The following DHRSX variants were observed in gnomAD, a reference collection of about 807,000 sequenced individuals.
DHRSX encodes the protein dehydrogenase/reductase X-linked.
In DHRSX, 31 loss-of-function variants were observed where a neutral mutation model predicts 34.0. That is an observed-to-expected ratio of 0.91 (90% CI 0.69 to 1.23). The LOEUF is 1.23. DHRSX is among the 50% of genes most tolerant of loss of function. The pLI is 0.00. For missense variants in DHRSX, 414 were observed against 428.1 expected, an observed-to-expected ratio of 0.97 and a Z score of 0.29; for synonymous variants, 201 against 183.8, an observed-to-expected ratio of 1.09 and a Z score of -0.76.
intron 5 of DHRSX, among the ~76,000 whole-genome samples, chrX:2,265,557 TGCTC>T (rs2041443881): frequency 7.5e-6 from 1 of 133,710 alleles, no homozygotes; most frequent in Non-Finnish European, 1.6e-5. Context: ...AGAGCACCAG[TGCTC>T]AGCAGATGCA....
chrX:2,303,464 C>T (rs2042038159), intron 3 of DHRSX, among the ~76,000 whole-genome samples: 1 of 152,102 alleles, frequency 6.6e-6, no homozygotes, highest in South Asian at 2.1e-4. Flanking sequence ...CACTCTTGCT[C>T]CTGCTCTAGC....
intron 6 of DHRSX, among the ~76,000 whole-genome samples, chrX:2,229,542 T>C (rs1209873035): frequency 6.6e-6 from 1 of 152,060 alleles, no homozygotes; most frequent in Non-Finnish European, 1.5e-5. Flanking sequence ...ACGCAAATCA[T>C]AGGGTGACAT....
chrX:2,360,666 T>A (rs1282776765), intron 3 of DHRSX, among the ~76,000 whole-genome samples: 1 of 151,930 alleles, frequency 6.6e-6, no homozygotes, highest in Non-Finnish European at 1.5e-5. Flanking sequence ...GGGTTATTAA[T>A]CTAGGATGGT....
At chrX:2,325,481 C>T (rs2042373887) in intron 3 of DHRSX, among the ~76,000 whole-genome samples, 2 of 152,218 alleles carry the variant, frequency 1.3e-5, no homozygotes, top group African/African-American at 4.8e-5. Flanking sequence ...CATCTTCCCT[C>T]CTCTTTGTCA....
At chrX:2,470,691 A>T (rs988943650) in intron 1 of DHRSX, among the ~76,000 whole-genome samples, 2 of 152,220 alleles carry the variant, frequency 1.3e-5, no homozygotes, top group Non-Finnish European at 2.9e-5. Context: ...TGGCTATAGG[A>T]TGAGACTGTC....
At chrX:2,224,891 TCA>T (rs1478474678) in intron 6 of DHRSX, among the ~76,000 whole-genome samples, 3 of 126,216 alleles carry the variant, frequency 2.4e-5, no homozygotes, top group East Asian at 8.9e-4. Flanking sequence ...GCACACATGC[TCA>T]CACTCGCACA....
chrX:2,499,182 AGCGCTTC>A (rs1220773869), intron 1 of DHRSX, among the ~76,000 whole-genome samples: 1 of 152,112 alleles, frequency 6.6e-6, no homozygotes, highest in Non-Finnish European at 1.5e-5. Flanking sequence ...AAGGCACCCA[AGCGCTTC>A]GCCTGGCTGA....
chrX:2,370,700 A>T (rs1345978008), intron 3 of DHRSX, among the ~76,000 whole-genome samples: 1 of 151,798 alleles, frequency 6.6e-6, no homozygotes, highest in East Asian at 1.9e-4. Context: ...TTGCCCCTTC[A>T]GGGATGGACT....
intron 5 of DHRSX, among the ~76,000 whole-genome samples, chrX:2,266,448 C>T (rs746140543): frequency 1.8e-4 from 25 of 140,948 alleles, no homozygotes; most frequent in Admixed American, 1.4e-3. Context: ...GCTCGGCAGA[C>T]GCAGGAAGCA....
At chrX:2,467,134 T>G (rs989444471) in intron 1 of DHRSX, among the ~76,000 whole-genome samples, 1 of 151,970 alleles carries the variant, frequency 6.6e-6, no homozygotes, top group Admixed American at 6.6e-5. Flanking sequence ...TGAAATTTTT[T>G]AAGCCCTTTA....
At chrX:2,437,246 A>G (rs1026346382) in intron 1 of DHRSX, among the ~76,000 whole-genome samples, 5 of 151,818 alleles carry the variant, frequency 3.3e-5, no homozygotes, top group East Asian at 2.0e-4. Flanking sequence ...TGATCCGCCC[A>G]CCTCAGCCTC....
intron 3 of DHRSX, among the ~76,000 whole-genome samples, chrX:2,296,207 C>CT (rs1424501185): frequency 6.6e-6 from 1 of 152,164 alleles, no homozygotes; most frequent in African/African-American, 2.4e-5. Flanking sequence ...AATGATGCAT[C>CT]TTTGAGTGTC....
intron 1 of DHRSX, among the ~76,000 whole-genome samples, chrX:2,437,122 C>T (rs1458284533): frequency 1.3e-5 from 2 of 151,986 alleles, no homozygotes; most frequent in Non-Finnish European, 2.9e-5. Context: ...CTCAGCCTCC[C>T]GAGTAGCTGG....
Position 2,255,191 on chromosome X carries a change from A to C in DHRSX, c.596+11549T>G, listed in dbSNP as rs1261730818. Among the ~76,000 whole-genome samples, 4 of 151,808 alleles carry C rather than the reference A, an allele frequency of 2.6e-5. No homozygotes were observed. The East Asian group carries it at 7.8e-4, about 30-fold the overall frequency. On this transcript the variant is annotated intron_variant, in intron 5 of 6. Coordinates refer to ENST00000334651, the MANE Select transcript of DHRSX (RefSeq NM_145177.3). ...CATTGGCCTGGATGGTGTCGATCTC[A>C]AAGAGAGGTCTTTGACTTTTTCCGC...
intron 3 of DHRSX, among the ~76,000 whole-genome samples, chrX:2,297,647 A>G (rs1314498460): frequency 6.6e-6 from 1 of 152,084 alleles, no homozygotes; most frequent in Non-Finnish European, 1.5e-5. Context: ...TTATAGAGAC[A>G]GGGGTCTCTC....
chrX:2,289,861 A>T (rs1216524050), intron 4 of DHRSX, among the ~76,000 whole-genome samples: 2 of 152,172 alleles, frequency 1.3e-5, no homozygotes, highest in African/African-American at 4.8e-5. Context: ...AGTGTTATTG[A>T]TCTCCAAAGA....
chrX:2,452,186 G>A (rs1178068695), intron 1 of DHRSX, among the ~76,000 whole-genome samples: 28 of 151,176 alleles, frequency 1.9e-4, no homozygotes, highest in African/African-American at 2.4e-4. Context: ...AGGGACCGCC[G>A]CCATGTACAC....
At chrX:2,336,980 G>A (rs1253368157) in intron 3 of DHRSX, among the ~76,000 whole-genome samples, 1 of 152,060 alleles carries the variant, frequency 6.6e-6, no homozygotes, top group Non-Finnish European at 1.5e-5. Context: ...TTTAAGCCCT[G>A]CTTGCATTAG....
rs750507003 is a variant in DHRSX, at chrX:2,413,373, A to G, written c.218-4560T>C. Among the ~76,000 whole-genome samples the G allele has an allele frequency of 2.6e-5, 4 of 152,304 alleles. No individual in the cohort carries two copies. In the South Asian group the frequency reaches 8.3e-4, roughly 32 times the overall value. On this transcript the variant is annotated intron_variant, in intron 2 of 6. Coordinates refer to ENST00000334651, the MANE Select transcript of DHRSX (RefSeq NM_145177.3). Reference sequence around the variant, plus strand: ...GACTATAATCTTGAACCTGACTATAATTAGTCACAGTGACTATAATTAATA... The same window carrying G: ...GACTATAATCTTGAACCTGACTATAGTTAGTCACAGTGACTATAATTAATA...
Sources: gnomAD v4.1 joint callset for allele counts (sites outside exome capture counted in the v4.1 genomes callset) on GRCh38, gnomAD v4.1.1 for gene constraint, MANE v1.5 for transcripts, NCBI Gene and HGNC (gene_info 2026-07-23, HGNC 2026-07-21) for gene names.